Variants in MED24 observed in about 807,000 individuals in gnomAD.
MED24 encodes the protein mediator of RNA polymerase II transcription subunit 24.
In MED24, 74 loss-of-function variants were observed where a neutral mutation model predicts 118.8. The observed-to-expected ratio is 0.62, with a 90% CI of 0.52 to 0.76. The LOEUF (loss-of-function observed/expected upper bound fraction) is 0.76, where lower values mean the gene tolerates loss of function less well. Ranked by LOEUF, MED24 falls within the 30% of genes least tolerant of loss-of-function variation. The pLI, the probability that MED24 is intolerant of heterozygous loss-of-function variation, is 0.00. For synonymous variants in MED24, 521 were observed against 523.9 expected (o/e 0.99, Z 0.08); for missense variants, 1,041 against 1,278.9 (o/e 0.81, Z 2.84).
chr17:40,031,436 G>A (rs1436707818), intron 11 of MED24, 102 bp downstream of exon 11: 1 of 1,344,162 alleles, frequency 7.4e-7, no homozygotes, highest in Non-Finnish European at 1.1e-6. Flanking sequence ...CAAGGGGAGT[G>A]AACAAGGAGA....
At chr17:40,027,559 C>T (rs778893242) in intron 15 of MED24, 94 bp from the exon 16 acceptor site, 22 of 1,249,098 alleles carry the variant, frequency 1.8e-5, no homozygotes, top group Non-Finnish European at 2.4e-5. Flanking sequence ...CTAGGAAGGT[C>T]AGGGACCAAG....
intron 3 of MED24, among the ~76,000 whole-genome samples, chr17:40,037,882 G>C (rs1030656610): frequency 4.0e-5 from 6 of 151,126 alleles, no homozygotes; most frequent in African/African-American, 1.5e-4. Flanking sequence ...CTGCACTCCA[G>C]TGTGGGCGAC....
intron 8 of MED24, 106 bp from the exon 9 acceptor site, chr17:40,032,868 T>A (rs1379496444): frequency 4.5e-6 from 6 of 1,322,240 alleles, no homozygotes; most frequent in African/African-American, 1.4e-5. Flanking sequence ...GCAGAGTCAC[T>A]GCTCAGCTAT....
In MED24 at chr17:40,035,660, C is replaced by T. The variant is rs778963926; in HGVS notation, c.326+62G>A. 48 of 1,552,314 alleles carry T rather than the reference C, an allele frequency of 3.1e-5. 1 individual carries two copies. Among genetic ancestry groups the T allele is most frequent in the Non-Finnish European group, 4.3e-5 (48 of 1,129,214 alleles). On this transcript the variant is annotated intron_variant, in intron 5 of 25. Coordinates refer to ENST00000394128, the MANE Select transcript of MED24 (RefSeq NM_014815.4). ...GTCTCGGTCTGTGTGCTAGGAGCTG[C>T]ACCTCTGCACAAAGACAAGGCTGGA...
intron 11 of MED24, 138 bp downstream of exon 11, chr17:40,031,400 T>C: frequency 3.3e-6 from 4 of 1,206,940 alleles, no homozygotes; most frequent in Non-Finnish European, 4.8e-6. Context: ...ACTTGGCAAC[T>C]GTGGGCTCCT....
intron 11 of MED24, 55 bp downstream of exon 11, chr17:40,031,483 G>A (rs1983370169): frequency 2.0e-6 from 3 of 1,520,960 alleles, no homozygotes; most frequent in African/African-American, 2.7e-5. Flanking sequence ...CAGAGATCAG[G>A]GGAAGAGCCC....
At chr17:40,040,324 G>A (rs776833897) in intron 3 of MED24, among the ~76,000 whole-genome samples, 85 of 149,040 alleles carry the variant, frequency 5.7e-4, no homozygotes, top group Non-Finnish European at 1.1e-3. Context: ...TGATCCACCT[G>A]CCTCGGCCTC....
In MED24 at chr17:40,021,885, G is replaced by A. The variant is rs547213967; in HGVS notation, c.2623+70C>T. 155 of 1,138,634 alleles carry A rather than the reference G, an allele frequency of 1.4e-4. 1 individual carries two copies. Among genetic ancestry groups the A allele is most frequent in the Non-Finnish European group, 7.3e-5 (58 of 790,526 alleles). The allele number at this position is 1,138,634 out of a possible 1,614,324, so 70.5% of individuals were successfully genotyped here. On this transcript the variant is annotated intron_variant, in intron 23 of 25. Coordinates refer to ENST00000394128, the MANE Select transcript of MED24 (RefSeq NM_014815.4). ...CAAAGATGCCTGCAGCTGGGGCAGC[G>A]GCAGAGTGGCAGCATCGGGGAGTGA...
intron 3 of MED24, among the ~76,000 whole-genome samples, chr17:40,046,087 A>ATT (rs1203333557): frequency 5.7e-5 from 7 of 123,812 alleles, no homozygotes; most frequent in Admixed American, 1.7e-4. Context: ...TCTAAAAAAA[A>ATT]TTTTTTTTTT....
rs1256612774 is a variant in MED24, at chr17:40,022,389, C to A, written c.2523+5G>T. On this transcript the variant is annotated splice_donor_5th_base_variant and intron_variant, in intron 22 of 25. Coordinates refer to ENST00000394128, the MANE Select transcript of MED24 (RefSeq NM_014815.4). ...GAAGCCGGCGAGGGCAGCTGGGGGG[C>A]CTACCTCAATGTCTTCGCGGTGTCT... The A allele has an allele frequency of 2.5e-6, 4 of 1,604,606 alleles. No individual in the cohort carries two copies. The highest frequency in any genetic ancestry group is 1.3e-5 in the African/African-American group (1 of 74,968).
At position 40,044,412 on chromosome 17, in the gene MED24, C is replaced by T. The variant is rs1984925616; in HGVS notation, c.214-8258G>A. ...GCGCATGCCTGTAATCCCAGCTACTCGGGAGGCTGAGGCAGGAGAATTGCT... is the reference window on the plus strand; with the variant it reads ...GCGCATGCCTGTAATCCCAGCTACTTGGGAGGCTGAGGCAGGAGAATTGCT... On this transcript the variant is annotated intron_variant, in intron 3 of 25. Coordinates refer to ENST00000394128, the MANE Select transcript of MED24 (RefSeq NM_014815.4). 5.3e-5 allele frequency among the ~76,000 whole-genome samples: 8 copies of T among 150,200 alleles called. 1 individual carries two copies. In the South Asian group the frequency reaches 1.7e-3, roughly 32 times the overall value.
At chr17:40,032,459 A>T in intron 9 of MED24, 190 bp downstream of exon 9, 1 of 587,172 alleles carries the variant, frequency 1.7e-6, no homozygotes, top group Non-Finnish European at 3.0e-6. Flanking sequence ...GAAACAACGG[A>T]GTCTGCCAAA....
intron 8 of MED24, 62 bp downstream of exon 8, chr17:40,032,994 C>T: frequency 1.3e-6 from 2 of 1,595,984 alleles, no homozygotes; most frequent in Non-Finnish European, 1.7e-6. Context: ...GAAGAATCCT[C>T]CCTCCTGCCC....
chr17:40,032,252 T>G, intron 9 of MED24, 162 bp from the exon 10 acceptor site: 2 of 778,282 alleles, frequency 2.6e-6, no homozygotes, highest in Non-Finnish European at 4.1e-6. Context: ...AGCCAATAGG[T>G]GCCCAGGCCC....
At chr17:40,048,080 G>T (rs927474088) in intron 3 of MED24, among the ~76,000 whole-genome samples, 1 of 152,188 alleles carries the variant, frequency 6.6e-6, no homozygotes, top group South Asian at 2.1e-4. Flanking sequence ...ATATTTTTAC[G>T]GAAGTCTTGT....
At position 40,031,561 on chromosome 17, in the gene MED24, C is replaced by G. The variant is rs377624819; in HGVS notation, c.1044G>C (p.Leu348Phe). 285 of 1,614,030 alleles carry G rather than the reference C, an allele frequency of 1.8e-4. 1 individual carries two copies. The highest frequency in any genetic ancestry group is 2.4e-4 in the Non-Finnish European group (281 of 1,180,020). ...ACTTGCAGCGCTGGTCAGCTTTGTC[C>G]AACAAGGGGGTGAGCTTCAGCAGGA... ...FEFLLKLTPL[L>F]DKADQRCNCD... Residue 348 changes from leucine to phenylalanine, a missense_variant, in exon 11 of 26, where the codon TTG (leucine) becomes TTC (phenylalanine). Around this residue, in one of 3 missense-constraint regions of MED24, gnomAD observed 434 missense variants for 514.9 expected, o/e 0.84. Coordinates refer to ENST00000394128, the MANE Select transcript of MED24 (RefSeq NM_014815.4).
Position 40,045,681 on chromosome 17 carries a change from C to CAGG in MED24, c.213+7614_213+7616dup, listed in dbSNP as rs1985091482. 2.6e-5 allele frequency among the ~76,000 whole-genome samples: 4 copies of CAGG among 152,068 alleles called. No individual in the cohort carries two copies. In the South Asian group the frequency reaches 8.3e-4, roughly 32 times the overall value. On this transcript the variant is annotated intron_variant, in intron 3 of 25. Coordinates refer to ENST00000394128, the MANE Select transcript of MED24 (RefSeq NM_014815.4). ...GCACCTGTAGTCCAAGCTACAGGTG[C>CAGG]AGGAGGATGGCTTGAGCCAAGGAGG... is the stretch of plus-strand genomic sequence containing the variant.
chr17:40,047,874 C>T (rs552447298), intron 3 of MED24, among the ~76,000 whole-genome samples: 71 of 151,840 alleles, frequency 4.7e-4, no homozygotes, highest in Admixed American at 8.5e-4. Flanking sequence ...GGATTACAGA[C>T]GCCCACCACC....
At chr17:40,042,400 C>T (rs8073253) in intron 3 of MED24, among the ~76,000 whole-genome samples, 11,560 of 152,180 alleles carry the variant, frequency 0.076, 1,509 homozygotes, top group African/African-American at 0.26. Context: ...AGAGGCCGGG[C>T]GCAGTGGCTC....
Sources: gnomAD v4.1 joint callset for allele counts (sites outside exome capture counted in the v4.1 genomes callset) on GRCh38, gnomAD v4.1.1 for gene constraint, gnomAD v4.1.1 regional missense constraint, MANE v1.5 for transcripts, NCBI Gene and HGNC (gene_info 2026-07-23, HGNC 2026-07-21) for gene names.